GBF1: variants seen among roughly 807,000 people sequenced by gnomAD.
The protein encoded by GBF1 is Golgi-specific brefeldin A-resistance guanine nucleotide exchange factor 1.
A neutral mutation model predicts 210.5 loss-of-function variants in GBF1; 114 were observed. The ratio of observed to expected loss-of-function variants is 0.54; its 90% CI spans 0.47 to 0.63. The LOEUF is 0.63. Ranked by LOEUF, GBF1 falls within the 30% of genes least tolerant of loss-of-function variation. The pLI is 0.00. For missense variants in GBF1, 1,851 were observed against 2,357.7 expected (o/e 0.79, Z 4.45); for synonymous variants, 850 against 889.2 (o/e 0.96, Z 0.78).
intron 4 of GBF1, among the ~76,000 whole-genome samples, chr10:102,345,822 G>A (rs76972221): frequency 1.3e-5 from 2 of 151,780 alleles, no homozygotes; most frequent in African/African-American, 4.8e-5. Context: ...TTGTGCAGCC[G>A]TCACCACCAT....
chr10:102,259,103 G>C (rs540184730), intron 2 of GBF1, 69 bp downstream of exon 2: 14 of 830,540 alleles, frequency 1.7e-5, no homozygotes, highest in South Asian at 1.5e-4. Flanking sequence ...ATGGTTAAAA[G>C]AGTAATCAAA....
chr10:102,367,656 C>T (rs1475054968), intron 21 of GBF1, 96 bp downstream of exon 21: 1 of 792,196 alleles, frequency 1.3e-6, no homozygotes, highest in Non-Finnish European at 2.2e-6. Context: ...TGCAGTGACT[C>T]ACATGCCCTG....
At chr10:102,250,411 C>A (rs915807597) in intron 1 of GBF1, among the ~76,000 whole-genome samples, 7 of 152,098 alleles carry the variant, frequency 4.6e-5, no homozygotes, top group Non-Finnish European at 8.8e-5. Context: ...GCCCAGAGTC[C>A]AGTGGTGTCA....
chr10:102,363,799 G>T lies in GBF1; in HGVS notation c.2106+1G>T. 1 of 1,540,746 alleles carries T rather than the reference G, an allele frequency of 6.5e-7. No homozygotes were observed. The highest frequency in any genetic ancestry group is 9.0e-7 in the Non-Finnish European group (1 of 1,113,608). On this transcript the variant is annotated splice_donor_variant, in intron 17 of 39. Transcript: ENST00000369983. LOFTEE classifies it high-confidence loss of function. The surrounding 1 kb of genome is among the most constrained non-coding windows in gnomAD (Gnocchi z 4.2). ...AATTGAAATTAAAAACAAAAAGAAGGTACATACATGTATTCCCCAGCCTCT... is the reference window on the plus strand; with the variant it reads ...AATTGAAATTAAAAACAAAAAGAAGTTACATACATGTATTCCCCAGCCTCT...
intron 1 of GBF1, among the ~76,000 whole-genome samples, chr10:102,249,420 CA>C: frequency 6.6e-6 from 1 of 152,280 alleles, no homozygotes; most frequent in East Asian, 1.9e-4. Context: ...AGAATCTCCA[CA>C]GGGGGAGGAG....
chr10:102,327,771 G>A (rs1345805540), intron 3 of GBF1, among the ~76,000 whole-genome samples: 1 of 152,358 alleles, frequency 6.6e-6, no homozygotes, highest in Admixed American at 6.5e-5. Context: ...GGGCTGGAAT[G>A]CAACTTTACC....
intron 3 of GBF1, among the ~76,000 whole-genome samples, chr10:102,323,773 T>C (rs1457206157): frequency 2.0e-5 from 3 of 152,200 alleles, no homozygotes; most frequent in African/African-American, 7.2e-5. Flanking sequence ...AATAGGAATC[T>C]GAAGGGGGTA....
intron 3 of GBF1, among the ~76,000 whole-genome samples, chr10:102,318,200 T>C (rs1816790500): frequency 6.7e-6 from 1 of 150,366 alleles, no homozygotes; most frequent in South Asian, 2.1e-4. Flanking sequence ...CCCAGTCTAT[T>C]TATTTATTTT....
chr10:102,366,349 A>G lies in GBF1; in HGVS notation c.2310-34A>G. On this transcript the variant is annotated intron_variant, in intron 18 of 39. Transcript: ENST00000369983. The surrounding 1 kb of genome is among the most constrained non-coding windows in gnomAD (Gnocchi z 4.0). ...AGAGCCTGACATGTGCAGCTTACACATTTTCAGCCTCTTCTTCCTTTCTTT... is the reference window on the plus strand; with the variant it reads ...AGAGCCTGACATGTGCAGCTTACACGTTTTCAGCCTCTTCTTCCTTTCTTT... 1 of 1,612,904 alleles carries G rather than the reference A, an allele frequency of 6.2e-7. No homozygotes were observed. Among genetic ancestry groups the G allele is most frequent in the South Asian group, 1.1e-5 (1 of 91,046 alleles).
At chr10:102,332,004 C>T (rs2057372920) in intron 3 of GBF1, among the ~76,000 whole-genome samples, 3 of 151,784 alleles carry the variant, frequency 2.0e-5, no homozygotes, top group Admixed American at 6.6e-5. Flanking sequence ...GGATTACAGG[C>T]GTCTGCCATC....
chr10:102,234,475 G>A, the GBF1 span, among the ~76,000 whole-genome samples: 1 of 152,134 alleles, frequency 6.6e-6, no homozygotes, highest in Non-Finnish European at 1.5e-5. Flanking sequence ...CTTCCAGGTC[G>A]GGTCAGGTCA....
At chr10:102,256,304 C>T (rs368664793) in intron 1 of GBF1, among the ~76,000 whole-genome samples, 67 of 152,034 alleles carry the variant, frequency 4.4e-4, no homozygotes, top group African/African-American at 1.5e-3. Flanking sequence ...TCATGCTTTT[C>T]ACTTTCTTGG....
chr10:102,371,658 G>C (rs968159777), intron 29 of GBF1, among the ~76,000 whole-genome samples: 1 of 152,236 alleles, frequency 6.6e-6, no homozygotes, highest in Non-Finnish European at 1.5e-5. Context: ...GCCGGTTGCT[G>C]TGGTTCATGC....
intron 3 of GBF1, among the ~76,000 whole-genome samples, chr10:102,312,295 G>T (rs928741925): frequency 3.9e-5 from 5 of 129,014 alleles, no homozygotes; most frequent in African/African-American, 1.5e-4. Flanking sequence ...CTCTGTCTCA[G>T]AAAAAAAAAA....
At chr10:102,242,928 C>CAAAAAAAAAAAAAAAAAAAAAAAA (rs58301527), upstream of GBF1, among the ~76,000 whole-genome samples, 11 of 132,406 alleles carry the variant, frequency 8.3e-5, no homozygotes, top group African/African-American at 3.2e-4. Flanking sequence ...GACTCTGTCT[C>CAAAAAAAAAAAAAAAAAAAAAAAA]AAAAAAAAAA....
At chr10:102,302,238 A>G (rs1254905557) in intron 3 of GBF1, among the ~76,000 whole-genome samples, 2 of 152,204 alleles carry the variant, frequency 1.3e-5, no homozygotes, top group Non-Finnish European at 2.9e-5. Flanking sequence ...TCGGCTTGGC[A>G]TCAGAGGGAG....
At chr10:102,325,753 G>A (rs974173343) in intron 3 of GBF1, among the ~76,000 whole-genome samples, 1 of 151,704 alleles carries the variant, frequency 6.6e-6, no homozygotes. Flanking sequence ...GAGTTCAAGC[G>A]ATTCTCGTGC....
At chr10:102,243,762 C>T (rs540910749), upstream of GBF1, among the ~76,000 whole-genome samples, 4 of 152,246 alleles carry the variant, frequency 2.6e-5, no homozygotes, top group South Asian at 8.3e-4. Context: ...GACCCACCGA[C>T]CAGAAGCCCA....
intron 3 of GBF1, among the ~76,000 whole-genome samples, chr10:102,264,454 A>C (rs2073624697): frequency 6.6e-6 from 1 of 152,178 alleles, no homozygotes. Flanking sequence ...AGTAATATAT[A>C]TTATGTATTT....
Sources: gnomAD v4.1 joint callset for allele counts (sites outside exome capture counted in the v4.1 genomes callset) on GRCh38, gnomAD v4.1.1 for gene constraint, Gnocchi (gnomAD v3.1) non-coding constraint, MANE v1.5 for transcripts, NCBI Gene and HGNC (gene_info 2026-07-23, HGNC 2026-07-21) for gene names.